The following RARB variants were observed in gnomAD, a reference collection of about 807,000 sequenced individuals.
RARB encodes the protein HBV-activated protein.
A neutral mutation model predicts 51.9 loss-of-function variants in RARB; 17 were observed. The ratio of observed to expected loss-of-function variants is 0.33; its 90% CI spans 0.22 to 0.49. RARB has a LOEUF of 0.49. Among genes scored for constraint, RARB ranks in the 20% least tolerant of loss-of-function variants. The pLI is 0.99. For synonymous variants in RARB, 215 were observed against 195.4 expected (o/e 1.10, Z -0.84); for missense variants, 369 against 550.8 (o/e 0.67, Z 3.30).
chr3:25,089,123 AATAAT>A (rs1469080729), intron 3 of RARB, among the ~76,000 whole-genome samples: 1 of 152,040 alleles, frequency 6.6e-6, no homozygotes, highest in East Asian at 1.9e-4. Context: ...AAGGGTTAGA[AATAAT>A]AGAGTGAGCC....
chr3:25,520,194 A>G (rs993383563), intron 3 of RARB, among the ~76,000 whole-genome samples: 2 of 152,206 alleles, frequency 1.3e-5, no homozygotes, highest in Non-Finnish European at 2.9e-5. Flanking sequence ...AGTTTTGCCA[A>G]CCCTTGCCAT....
intron 5 of RARB, among the ~76,000 whole-genome samples, chr3:25,382,408 A>AG (rs1395718083): frequency 3.8e-5 from 2 of 52,546 alleles, no homozygotes; most frequent in African/African-American, 9.0e-5. Flanking sequence ...GGATGGTGGG[A>AG]GAATTTCCCC....
chr3:24,870,289 G>T (rs1453141319), intron 2 of RARB, among the ~76,000 whole-genome samples: 2 of 151,820 alleles, frequency 1.3e-5, no homozygotes, highest in African/African-American at 4.8e-5. Context: ...TTTAAATCTT[G>T]TCTTTCACAT....
chr3:25,250,148 G>T (rs1444309174), intron 5 of RARB, among the ~76,000 whole-genome samples: 54 of 152,198 alleles, frequency 3.5e-4, no homozygotes. Flanking sequence ...GCATGTACAG[G>T]TGGTGCCAGC....
At chr3:24,973,249 T>C (rs1029674799) in intron 2 of RARB, among the ~76,000 whole-genome samples, 4 of 152,110 alleles carry the variant, frequency 2.6e-5, no homozygotes, top group African/African-American at 9.6e-5. Context: ...TCCCATTGTA[T>C]GTACTTGGCA....
intron 2 of RARB, among the ~76,000 whole-genome samples, chr3:24,868,416 C>G (rs1002095938): frequency 1.3e-5 from 2 of 152,086 alleles, no homozygotes; most frequent in East Asian, 3.9e-4. Flanking sequence ...TTAACTCTGT[C>G]GTGGCTACTT....
At chr3:24,955,290 C>T (rs568367140) in intron 2 of RARB, among the ~76,000 whole-genome samples, 5 of 152,314 alleles carry the variant, frequency 3.3e-5, no homozygotes, top group African/African-American at 1.2e-4. Flanking sequence ...TAGTCTCCAA[C>T]ACTCAGTTGT....
chr3:24,917,585 C>G (rs2125384297), intron 2 of RARB, among the ~76,000 whole-genome samples: 1 of 152,336 alleles, frequency 6.6e-6, no homozygotes. Context: ...GACTAGAGTA[C>G]AGTGGTGCGA....
chr3:25,370,040 AAC>A (rs1478234415), intron 5 of RARB, among the ~76,000 whole-genome samples: 1 of 152,190 alleles, frequency 6.6e-6, no homozygotes, highest in Non-Finnish European at 1.5e-5. Context: ...AACAGAACAA[AAC>A]ACACACCCTA....
intron 5 of RARB, among the ~76,000 whole-genome samples, chr3:25,180,546 T>C (rs559519587): frequency 6.6e-6 from 1 of 152,300 alleles, no homozygotes; most frequent in African/African-American, 2.4e-5. Context: ...GAGATTAGCC[T>C]CCATGCAGGT....
At chr3:25,207,423 T>C (rs938400951) in intron 5 of RARB, among the ~76,000 whole-genome samples, 3 of 152,214 alleles carry the variant, frequency 2.0e-5, no homozygotes, top group South Asian at 2.1e-4. Context: ...TCACATCTTA[T>C]CTTTCCTGTT....
intron 2 of RARB, among the ~76,000 whole-genome samples, chr3:24,914,034 G>A (rs534065921): frequency 6.6e-6 from 1 of 152,284 alleles, no homozygotes; most frequent in East Asian, 1.9e-4. Flanking sequence ...AATGGGTATG[G>A]CCAAGATGGT....
intron 3 of RARB, among the ~76,000 whole-genome samples, chr3:25,557,964 T>G (rs1238358469): frequency 6.6e-6 from 1 of 152,194 alleles, no homozygotes; most frequent in Non-Finnish European, 1.5e-5. Context: ...TTTGGTTAGC[T>G]CAAGTCTCCT....
chr3:25,198,914 A>G (rs1287195107), intron 5 of RARB, among the ~76,000 whole-genome samples: 3 of 151,990 alleles, frequency 2.0e-5, no homozygotes, highest in Non-Finnish European at 2.9e-5. Context: ...GAAATACCAT[A>G]TGATCCAGCA....
At chr3:24,978,848 T>C (rs889507543) in intron 2 of RARB, among the ~76,000 whole-genome samples, 3 of 152,146 alleles carry the variant, frequency 2.0e-5, no homozygotes, top group Non-Finnish European at 4.4e-5. Context: ...GATGTTAGGG[T>C]GTCTATTTTA....
rs141925955 is a variant in RARB at position 25,251,704 on chromosome 3, G to A, written c.178+77129G>A. On this transcript the variant is annotated intron_variant, in intron 5 of 11. Transcript: ENST00000383772. ...AAATACTTAGCCCATTTTTTAATTGGGGTATTTGTCTTTTTGTTGCTGAGT... is the reference window on the plus strand; with the variant it reads ...AAATACTTAGCCCATTTTTTAATTGAGGTATTTGTCTTTTTGTTGCTGAGT... Among the ~76,000 whole-genome samples the A allele has an allele frequency of 9.7e-3, 1,471 of 151,986 alleles. 25 individuals are homozygous for A. Among genetic ancestry groups the A allele is most frequent in the East Asian group, 0.042 (215 of 5,174 alleles).
In RARB at chr3:24,916,035, A is replaced by T. The variant is rs185631738; in HGVS notation, c.-380+57283A>T. Among the ~76,000 whole-genome samples, 26 of 152,248 alleles carry T rather than the reference A, an allele frequency of 1.7e-4. No individual in the cohort carries two copies. In the East Asian group the frequency reaches 3.7e-3, roughly 22 times the overall value. On this transcript the variant is annotated intron_variant, in intron 2 of 11. Coordinates refer to the RARB transcript ENST00000383772. ...TAGAAAGCAATCAAAAGCCTTACGG[A>T]AATTGACTGACTCAAGTGGTGGACA... is the stretch of plus-strand genomic sequence containing the variant.
rs191261361 is a variant in RARB, at chr3:25,282,828, G to T, written c.178+108253G>T. ...CACCCACATCTTTGGAAGCTTTCTC[G>T]TAAGCCTTGGATACCCGATGGCTTC... is the stretch of plus-strand genomic sequence containing the variant. On this transcript the variant is annotated intron_variant, in intron 5 of 11. Coordinates refer to the RARB transcript ENST00000383772. Among the ~76,000 whole-genome samples, 358 of 152,246 alleles carry T rather than the reference G, an allele frequency of 2.4e-3. 1 individual carries two copies. The highest frequency in any genetic ancestry group is 8.2e-3 in the African/African-American group (340 of 41,548).
chr3:25,019,362 T>C (rs1697579192), intron 2 of RARB, among the ~76,000 whole-genome samples: 1 of 152,132 alleles, frequency 6.6e-6, no homozygotes, highest in Non-Finnish European at 1.5e-5. Context: ...AGAGGTGTGA[T>C]ATGATAGACA....
Sources: allele counts gnomAD v4.1 joint callset (sites outside exome capture counted in the v4.1 genomes callset), GRCh38; gene constraint gnomAD v4.1.1; transcripts MANE v1.5; gene names NCBI Gene and HGNC (gene_info 2026-07-23, HGNC 2026-07-21).